MTUS2: variants seen among roughly 807,000 people sequenced by gnomAD.
MTUS2 encodes the protein microtubule-associated tumor suppressor candidate 2.
MTUS2 carries 40 observed loss-of-function variants against 114.1 expected under a neutral mutation model. That is an observed-to-expected ratio of 0.35 (90% CI 0.27 to 0.46). The LOEUF is 0.46. Among genes scored for constraint, MTUS2 ranks in the 20% least tolerant of loss-of-function variants. MTUS2 has a pLI of 1.00. For missense variants in MTUS2, 1,679 were observed against 1,705.4 expected, an observed-to-expected ratio of 0.98 and a Z score of 0.27; for synonymous variants, 688 against 672.0, an observed-to-expected ratio of 1.02 and a Z score of -0.37.
intron 2 of MTUS2, among the ~76,000 whole-genome samples, chr13:29,009,298 A>G (rs930990951): frequency 6.6e-6 from 1 of 152,104 alleles, no homozygotes; most frequent in Non-Finnish European, 1.5e-5. Context: ...AAGAGGAACA[A>G]ACTATTGGTA....
intron 4 of MTUS2, among the ~76,000 whole-genome samples, chr13:29,036,487 C>T (rs1887079930): frequency 6.6e-6 from 1 of 152,138 alleles, no homozygotes; most frequent in Non-Finnish European, 1.5e-5. Flanking sequence ...TATATTCTAT[C>T]AGATTGGGGT....
chr13:29,306,474 A>G (rs776120443), intron 6 of MTUS2, among the ~76,000 whole-genome samples: 7 of 152,230 alleles, frequency 4.6e-5, no homozygotes, highest in African/African-American at 9.6e-5. Context: ...AAAAATTGCT[A>G]GCATTCCTAT....
At chr13:29,184,358 T>G (rs1447517602) in intron 5 of MTUS2, among the ~76,000 whole-genome samples, 1 of 152,162 alleles carries the variant, frequency 6.6e-6, no homozygotes, top group Admixed American at 6.6e-5. Flanking sequence ...TAACCAGCAA[T>G]TAGTATAGCT....
At chr13:29,017,625 A>C (rs1303587696) in intron 2 of MTUS2, among the ~76,000 whole-genome samples, 1 of 152,058 alleles carries the variant, frequency 6.6e-6, no homozygotes, top group Non-Finnish European at 1.5e-5. Context: ...GGATATTCTG[A>C]TATGGCCCTC....
At chr13:29,240,323 A>G (rs1311864400) in intron 5 of MTUS2, among the ~76,000 whole-genome samples, 1 of 152,226 alleles carries the variant, frequency 6.6e-6, no homozygotes, top group Non-Finnish European at 1.5e-5. Flanking sequence ...CGGGTAGAGT[A>G]TGGCAACAAC....
At chr13:29,202,654 T>A (rs528212712) in intron 5 of MTUS2, among the ~76,000 whole-genome samples, 1 of 152,338 alleles carries the variant, frequency 6.6e-6, no homozygotes, top group South Asian at 2.1e-4. Flanking sequence ...TATCTACCTT[T>A]GGTCTTTGAT....
chr13:29,001,654 G>GC (rs1261022191), intron 2 of MTUS2, among the ~76,000 whole-genome samples: 8 of 152,190 alleles, frequency 5.3e-5, no homozygotes, highest in Middle Eastern at 3.4e-3. Flanking sequence ...CAGAACAGTG[G>GC]CCCCCCCAAA....
rs115951255 is a variant in MTUS2 at position 29,044,492 on chromosome 13, T to C, written c.2446+10367T>C. 4.2e-3 allele frequency among the ~76,000 whole-genome samples: 637 copies of C among 152,196 alleles called. 5 individuals carry two copies. Among genetic ancestry groups the C allele is most frequent in the African/African-American group, 0.015 (610 of 41,538 alleles). ...TATATGGTTTTCATCAAATTTAGGG[T>C]GTTTTGCCCATTGTTTCTTGAAATA... On this transcript the variant is annotated intron_variant, in intron 4 of 15. Transcript: ENST00000612955.
At chr13:29,004,899 G>T (rs1338874443) in intron 2 of MTUS2, among the ~76,000 whole-genome samples, 1 of 152,156 alleles carries the variant, frequency 6.6e-6, no homozygotes, top group Non-Finnish European at 1.5e-5. Flanking sequence ...GAGGATCATG[G>T]GAAGGGAATA....
intron 1 of MTUS2, among the ~76,000 whole-genome samples, chr13:28,824,801 A>G (rs1298793393): frequency 1.3e-5 from 2 of 152,214 alleles, no homozygotes; most frequent in Non-Finnish European, 1.5e-5. Flanking sequence ...TTACAGTGTA[A>G]TGGAATGAAT....
intron 14 of MTUS2, among the ~76,000 whole-genome samples, chr13:29,500,843 A>G (rs1202093038): frequency 6.6e-6 from 1 of 151,736 alleles, no homozygotes; most frequent in Non-Finnish European, 1.5e-5. Flanking sequence ...ACATTGATAC[A>G]TAATATATAT....
At chr13:28,903,665 G>T (rs1391612068) in intron 2 of MTUS2, among the ~76,000 whole-genome samples, 1 of 151,790 alleles carries the variant, frequency 6.6e-6, no homozygotes, top group Admixed American at 6.6e-5. Flanking sequence ...GTCTATCATT[G>T]TTGGACATTT....
chr13:29,141,145 C>A (rs1194054291), intron 5 of MTUS2, among the ~76,000 whole-genome samples: 9 of 152,150 alleles, frequency 5.9e-5, no homozygotes, highest in Admixed American at 4.6e-4. Flanking sequence ...ATATTTTTCC[C>A]AGTCCACAAA....
At chr13:29,113,533 T>A (rs1035814525) in intron 5 of MTUS2, among the ~76,000 whole-genome samples, 1 of 152,214 alleles carries the variant, frequency 6.6e-6, no homozygotes, top group Non-Finnish European at 1.5e-5. Flanking sequence ...ATGGAGCTAA[T>A]GAGCCATTGA....
At chr13:29,015,587 T>G (rs938914814) in intron 2 of MTUS2, among the ~76,000 whole-genome samples, 5 of 152,312 alleles carry the variant, frequency 3.3e-5, no homozygotes, top group African/African-American at 1.2e-4. Context: ...ATTTTGCCTT[T>G]AGGAATTTAT....
intron 6 of MTUS2, among the ~76,000 whole-genome samples, chr13:29,287,886 C>T (rs905367179): frequency 3.9e-5 from 6 of 152,172 alleles, no homozygotes; most frequent in Admixed American, 3.9e-4. Context: ...GGTTCACAGG[C>T]TGATGGCGGA....
chr13:28,876,936 C>T (rs1411239496), intron 2 of MTUS2, among the ~76,000 whole-genome samples: 5 of 152,056 alleles, frequency 3.3e-5, no homozygotes, highest in East Asian at 3.9e-4. Flanking sequence ...TATGATTGCT[C>T]GTTTCCTGAG....
chr13:28,996,294 G>A (rs539235888), intron 2 of MTUS2, among the ~76,000 whole-genome samples: 43 of 152,130 alleles, frequency 2.8e-4, no homozygotes, highest in Admixed American at 5.2e-4. Flanking sequence ...GCTGGATTCC[G>A]TTTGCCAGTG....
chr13:29,332,248 A>T (rs7985417), intron 7 of MTUS2, among the ~76,000 whole-genome samples: 1 of 152,018 alleles, frequency 6.6e-6, no homozygotes, highest in South Asian at 2.1e-4. Flanking sequence ...CTTGTTATTG[A>T]TCTATTCAGG....
Sources: gnomAD v4.1 joint callset for allele counts (sites outside exome capture counted in the v4.1 genomes callset) on GRCh38, gnomAD v4.1.1 for gene constraint, MANE v1.5 for transcripts, NCBI Gene and HGNC (gene_info 2026-07-23, HGNC 2026-07-21) for gene names.